DUSP15: variants seen among roughly 807,000 people sequenced by gnomAD.
DUSP15 encodes the protein dual specificity phosphatase 15.
DUSP15 carries 23 observed loss-of-function variants against 26.3 expected under a neutral mutation model. That is an observed-to-expected ratio of 0.87 (90% CI 0.63 to 1.24). The LOEUF is 1.24. Among genes scored for constraint, DUSP15 ranks in the 50% most tolerant of loss-of-function variants. The pLI is 0.00. For missense variants in DUSP15, 364 were observed against 320.6 expected (o/e 1.14, Z -1.03); for synonymous variants, 143 against 135.5 (o/e 1.06, Z -0.39).
At chr20:31,869,537 C>T in intron 2 of DUSP15, 27 bp downstream of exon 2, 2 of 1,607,942 alleles carry the variant, frequency 1.2e-6, no homozygotes, top group Non-Finnish European at 1.7e-6. Context: ...AGTGCCATGG[C>T]CTCGGGACAG....
chr20:31,851,520 T>C (rs2062471044), intron 6 of DUSP15, among the ~76,000 whole-genome samples: 1 of 151,728 alleles, frequency 6.6e-6, no homozygotes, highest in Non-Finnish European at 1.5e-5. Context: ...GCAATGAAAC[T>C]GAAGATGGTG....
At chr20:31,867,191 G>T in intron 2 of DUSP15, 38 bp from the exon 3 acceptor site, 4 of 1,547,242 alleles carry the variant, frequency 2.6e-6, no homozygotes, top group Non-Finnish European at 3.5e-6. Context: ...TCTGGCTGGC[G>T]GGATGTCCTG....
chr20:31,869,870 GGAGGA>G (rs1356684171), intron 1 of DUSP15: 13 of 1,400,976 alleles, frequency 9.3e-6, no homozygotes, highest in East Asian at 2.7e-5. Context: ...GCAGGTCTTA[GGAGGA>G]GAGGAGAGGA....
chr20:31,848,653 C>T (rs939711494), intron 9 of DUSP15: 5 of 1,465,668 alleles, frequency 3.4e-6, no homozygotes, highest in Admixed American at 2.5e-5. Flanking sequence ...AGTTACAGCC[C>T]CATCCCTACC....
chr20:31,849,200 C>T (rs1392860079), intron 8 of DUSP15, among the ~76,000 whole-genome samples: 1 of 152,012 alleles, frequency 6.6e-6, no homozygotes, highest in African/African-American at 2.4e-5. Flanking sequence ...CTTGGTGCAC[C>T]TCACATCCAC....
At chr20:31,854,471 C>T (rs747336075) in intron 6 of DUSP15, among the ~76,000 whole-genome samples, 4 of 152,058 alleles carry the variant, frequency 2.6e-5, no homozygotes, top group African/African-American at 7.2e-5. Context: ...ATGAAGATGA[C>T]GTGGGCACAG....
downstream of DUSP15, among the ~76,000 whole-genome samples, chr20:31,857,518 T>A (rs1396870250): frequency 2.0e-5 from 3 of 152,156 alleles, no homozygotes; most frequent in African/African-American, 7.2e-5. Context: ...GAGTTCCAAC[T>A]CTTCATGATG....
intron 5 of DUSP15, chr20:31,863,517 C>G (rs2062704884): frequency 5.9e-6 from 1 of 168,328 alleles, no homozygotes; most frequent in African/African-American, 2.4e-5. Context: ...ATTCCTGTCT[C>G]CCAGCTCGGG....
chr20:31,852,283 A>G (rs1489683106), intron 6 of DUSP15, among the ~76,000 whole-genome samples: 2 of 152,146 alleles, frequency 1.3e-5, no homozygotes. Context: ...TGCTGGGATT[A>G]CAGTTGTGAG....
At chr20:31,859,197 C>T (rs1344457850), downstream of DUSP15, among the ~76,000 whole-genome samples, 2 of 151,880 alleles carry the variant, frequency 1.3e-5, no homozygotes, top group Non-Finnish European at 2.9e-5. Flanking sequence ...TAAGCAGTGC[C>T]CCACACTGCC....
Position 31,862,567 on chromosome 20 carries a change from C to T in DUSP15, c.435+4G>A, listed in dbSNP as rs779241137. 3.7e-6 allele frequency: 6 copies of T among 1,603,216 alleles called. No homozygotes were observed. The East Asian group carries it at 1.3e-4, about 36-fold the overall frequency. On this transcript the variant is annotated splice_donor_region_variant and intron_variant, in intron 6 of 6. Transcript: ENST00000339738. ...CCCAACCCAGCCCTTGACCCCATCC[C>T]TACCTTCTGGGAACTGGCCCAGCCA...
intron 6 of DUSP15, among the ~76,000 whole-genome samples, chr20:31,852,334 A>ATAAACTGTG (rs1216777439): frequency 6.6e-6 from 1 of 152,062 alleles, no homozygotes; most frequent in Non-Finnish European, 1.5e-5. Flanking sequence ...TAGTGGGGAG[A>ATAAACTGTG]TAAACTGTGT....
intron 6 of DUSP15, 62 bp downstream of exon 6, chr20:31,862,509 G>A (rs2062681770): frequency 1.3e-6 from 2 of 1,513,974 alleles, no homozygotes; most frequent in Non-Finnish European, 8.9e-7. Context: ...TCAGTGATCA[G>A]TTCGAGTGGG....
chr20:31,848,412 T>C, exon 10 of DUSP15: 3 of 1,611,174 alleles, frequency 1.9e-6, no homozygotes, highest in Non-Finnish European at 2.5e-6. Context: ...CTTCAGCGGG[T>C]ACAAGAAGAG....
At chr20:31,867,636 T>TTG (rs2062799740) in intron 2 of DUSP15, among the ~76,000 whole-genome samples, 1 of 22,588 alleles carries the variant, frequency 4.4e-5, no homozygotes, top group Non-Finnish European at 9.7e-5. Context: ...ACAATGTTTT[T>TTG]TTTTTTTTTT....
chr20:31,862,586 C>T lies in DUSP15; in HGVS notation c.420G>A (p.Trp140Ter). The change falls in exon 6 of 7, where the codon TGG becomes TGA. Residue 140 changes from tryptophan (W) to a stop codon, truncating the protein, a stop_gained. Transcript: ENST00000339738. LOFTEE classifies it high-confidence loss of function. Reference sequence around the variant, plus strand: ...CCATCCCTACCTTCTGGGAACTGGCCCAGCCAAACTCTTCAAGCTGCTGCC... The same window carrying T: ...CCATCCCTACCTTCTGGGAACTGGCTCAGCCAAACTCTTCAAGCTGCTGCC... ...GFRQQLEEFG[W>*]ASSQKLRRQL... The T allele has an allele frequency of 6.2e-7, 1 of 1,611,526 alleles. No homozygotes were observed. The highest frequency in any genetic ancestry group is 1.1e-5 in the South Asian group (1 of 90,734).
intron 4 of DUSP15, chr20:31,864,484 C>T (rs1469749694): frequency 5.7e-6 from 6 of 1,052,990 alleles, no homozygotes; most frequent in Non-Finnish European, 6.9e-6. Flanking sequence ...ATACTCCAGG[C>T]CCTATCCTAG....
At chr20:31,861,813 GTCT>G (rs2062666494) in intron 6 of DUSP15, 138 bp from the exon 7 acceptor site, 1 of 686,916 alleles carries the variant, frequency 1.5e-6, no homozygotes, top group Non-Finnish European at 2.2e-6. Flanking sequence ...CTTCCTGAGC[GTCT>G]TCTTTGCCTC....
chr20:31,870,549 ACCGCCG>A, upstream of DUSP15: 1 of 1,451,486 alleles, frequency 6.9e-7, no homozygotes, highest in Non-Finnish European at 9.0e-7. This position sits in a 1 kb window ranked among gnomAD's most constrained non-coding sequence, Gnocchi z 6.6. Context: ...CGCCGCTGCC[ACCGCCG>A]CCGCCGCAGG....
Sources: allele counts gnomAD v4.1 joint callset (sites outside exome capture counted in the v4.1 genomes callset), GRCh38; gene constraint gnomAD v4.1.1; non-coding constraint Gnocchi (gnomAD v3.1); transcripts MANE v1.5; gene names NCBI Gene and HGNC (gene_info 2026-07-23, HGNC 2026-07-21).